Variants in PLXDC1 observed in about 807,000 individuals in gnomAD.
PLXDC1 encodes the protein plexin domain-containing protein 1.
In PLXDC1, 39 loss-of-function variants were observed where a neutral mutation model predicts 61.3. The ratio of observed to expected loss-of-function variants is 0.64; its 90% CI spans 0.49 to 0.83. PLXDC1 has a LOEUF of 0.83. PLXDC1 is among the 40% of genes least tolerant of loss of function. PLXDC1 has a pLI of 0.00. For missense variants in PLXDC1, 596 were observed against 666.5 expected, an observed-to-expected ratio of 0.89 and a Z score of 1.17; for synonymous variants, 212 against 254.5, an observed-to-expected ratio of 0.83 and a Z score of 1.59.
intron 2 of PLXDC1, among the ~76,000 whole-genome samples, chr17:39,128,400 A>C (rs1001058328): frequency 3.3e-5 from 5 of 151,036 alleles, no homozygotes; most frequent in Admixed American, 6.6e-5. Context: ...GTATTTTTTT[A>C]GTAGAGACGG....
Position 39,064,771 on chromosome 17 carries a change from G to C in PLXDC1, c.*3069C>G, listed in dbSNP as rs1908832280. ...GAAGAGCTGAGGGTGGAGTAGGGGG[G>C]TGCCGGTGGAAGGAGGGTCTGAATT... On this transcript the variant is annotated 3_prime_UTR_variant, in exon 14 of 14. Transcript: ENST00000315392. 1 of 152,322 alleles carries C rather than the reference G, an allele frequency of 6.6e-6. No individual in the cohort carries two copies. The highest frequency in any genetic ancestry group is 1.5e-5 in the Non-Finnish European group (1 of 68,150). The allele number at this position is 152,322 out of a possible 1,614,324, so 9.4% of individuals were successfully genotyped here.
In PLXDC1 at chr17:39,107,466, T is replaced by G. The variant is rs1230676055; in HGVS notation, c.652A>C (p.Ser218Arg). The change falls in exon 6 of 14, where the codon AGT (serine) becomes CGT (arginine). Residue 218 changes from serine (S) to arginine (R), a missense_variant. Transcript: ENST00000315392. ...VYLQGWEDKG[S>R]FTFQAALHHD... ...TGCAGAGCTGCCTGGAAGGTGAAAC[T>G]GCCCTTGTCTTCCCAGCCTTGGAGA... is the stretch of plus-strand genomic sequence containing the variant. 6.2e-7 allele frequency: 1 copy of G among 1,614,142 alleles called. No homozygotes were observed. Among genetic ancestry groups the G allele is most frequent in the Admixed American group, 1.7e-5 (1 of 60,022 alleles).
At chr17:39,136,216 G>C (rs1236575288) in intron 2 of PLXDC1, among the ~76,000 whole-genome samples, 3 of 152,148 alleles carry the variant, frequency 2.0e-5, no homozygotes, top group African/African-American at 7.2e-5. Flanking sequence ...TGGGAAGGGA[G>C]TGATGCCATG....
chr17:39,079,411 C>T (rs1338269927), intron 9 of PLXDC1: 1 of 563,600 alleles, frequency 1.8e-6, no homozygotes, highest in East Asian at 4.1e-5. Flanking sequence ...GGTGTAGGGG[C>T]TAGCAGGACT....
chr17:39,087,871 C>T (rs561291232), intron 7 of PLXDC1, among the ~76,000 whole-genome samples, 169 bp from the exon 8 acceptor site: 1 of 152,296 alleles, frequency 6.6e-6, no homozygotes, highest in Admixed American at 6.5e-5. Context: ...AGGTGCGGAC[C>T]TGGAGAGGAG....
chr17:39,075,792 G>C (rs1909304029), intron 11 of PLXDC1, among the ~76,000 whole-genome samples: 1 of 152,124 alleles, frequency 6.6e-6, no homozygotes, highest in Admixed American at 6.6e-5. Flanking sequence ...AAAGGCAGGG[G>C]ACACACCAGG....
intron 2 of PLXDC1, among the ~76,000 whole-genome samples, chr17:39,125,105 G>T (rs777151447): frequency 6.6e-6 from 1 of 152,202 alleles, no homozygotes; most frequent in South Asian, 2.1e-4. Flanking sequence ...GGCCTGAAGC[G>T]CAATTCCTTT....
chr17:39,134,442 A>G (rs1383479710), intron 2 of PLXDC1, among the ~76,000 whole-genome samples: 4 of 151,246 alleles, frequency 2.6e-5, no homozygotes, highest in African/African-American at 9.7e-5. Context: ...CCTGGGCAAC[A>G]CAGTGAAAGC....
intron 1 of PLXDC1, among the ~76,000 whole-genome samples, chr17:39,146,301 C>T (rs2045341947): frequency 6.6e-6 from 1 of 152,096 alleles, no homozygotes; most frequent in Non-Finnish European, 1.5e-5. Flanking sequence ...GAGCTCCTGA[C>T]CTCAAATGAT....
Position 39,087,603 on chromosome 17 carries a change from T to C in PLXDC1, c.907+4A>G. Reference sequence around the variant, plus strand: ...TCTGGGATGGCGGAATGACCCCTACTCACTCGGCAATGGGGTGAACTCCAC... The same window carrying C: ...TCTGGGATGGCGGAATGACCCCTACCCACTCGGCAATGGGGTGAACTCCAC... On this transcript the variant is annotated splice_donor_region_variant and intron_variant, in intron 8 of 13. Coordinates refer to ENST00000315392, the MANE Select transcript of PLXDC1 (RefSeq NM_020405.5). The C allele has an allele frequency of 6.2e-7, 1 of 1,609,276 alleles. No individual in the cohort carries two copies. Among genetic ancestry groups the C allele is most frequent in the Non-Finnish European group, 8.5e-7 (1 of 1,175,624 alleles).
intron 2 of PLXDC1, among the ~76,000 whole-genome samples, chr17:39,128,733 G>A (rs557187429): frequency 2.0e-5 from 3 of 152,108 alleles, no homozygotes; most frequent in South Asian, 2.1e-4. Flanking sequence ...GATACTCGCC[G>A]GGTGCAGTGG....
At chr17:39,125,928 A>T (rs1377157884) in intron 2 of PLXDC1, among the ~76,000 whole-genome samples, 1 of 152,136 alleles carries the variant, frequency 6.6e-6, no homozygotes, top group African/African-American at 2.4e-5. Context: ...TCTGCTTCGT[A>T]GCCTTTGGTA....
At chr17:39,075,328 A>G (rs528350593) in intron 11 of PLXDC1, among the ~76,000 whole-genome samples, 13 of 152,184 alleles carry the variant, frequency 8.5e-5, no homozygotes, top group African/African-American at 2.4e-5. Flanking sequence ...GCTCCTTGTT[A>G]TTCCAGAGCA....
chr17:39,134,364 G>A (rs1027131132), intron 2 of PLXDC1, among the ~76,000 whole-genome samples: 2 of 151,970 alleles, frequency 1.3e-5, no homozygotes, highest in South Asian at 2.1e-4. Context: ...GGTGGCTCAC[G>A]TCTGTAATCC....
chr17:39,149,940 TCA>T (rs1161285623), intron 1 of PLXDC1, among the ~76,000 whole-genome samples: 2 of 152,126 alleles, frequency 1.3e-5, no homozygotes, highest in African/African-American at 4.8e-5. Context: ...TTTTAAAGTA[TCA>T]GTTACCCATA....
chr17:39,122,378 C>CAAAA (rs71141762), intron 2 of PLXDC1, among the ~76,000 whole-genome samples: 6 of 36,516 alleles, frequency 1.6e-4, no homozygotes, highest in Non-Finnish European at 2.5e-4. Context: ...GACTCTGTCT[C>CAAAA]AAAAAAAAAA....
In PLXDC1 at chr17:39,088,397, C is replaced by G. The variant is rs75048231; in HGVS notation, c.812-695G>C. Among the ~76,000 whole-genome samples, 1,160 of 152,306 alleles carry G rather than the reference C, an allele frequency of 7.6e-3. 21 individuals are homozygous for G. The highest frequency in any genetic ancestry group is 0.027 in the African/African-American group (1,113 of 41,562). On this transcript the variant is annotated intron_variant, in intron 7 of 13. Transcript: ENST00000315392. Reference sequence around the variant, plus strand: ...TCACAGGACCTCAGAGTCAGGAGATCCAAGTTCGTTCTAGTTCTGCTCACG... The same window carrying G: ...TCACAGGACCTCAGAGTCAGGAGATGCAAGTTCGTTCTAGTTCTGCTCACG...
At chr17:39,113,047 TG>T (rs1398562130) in intron 2 of PLXDC1, 1 of 152,142 alleles carries the variant, frequency 6.6e-6, no homozygotes, top group African/African-American at 2.4e-5. Flanking sequence ...CGGATTAGGG[TG>T]GGCCCTAAAT....
chr17:39,090,939 C>T (rs1360060061), intron 7 of PLXDC1, among the ~76,000 whole-genome samples: 4 of 152,206 alleles, frequency 2.6e-5, no homozygotes, highest in Non-Finnish European at 5.9e-5. Context: ...TGATGGGTCC[C>T]CCAGTTCCCC....
Sources: gnomAD v4.1 joint callset for allele counts (sites outside exome capture counted in the v4.1 genomes callset) on GRCh38, gnomAD v4.1.1 for gene constraint, MANE v1.5 for transcripts, NCBI Gene and HGNC (gene_info 2026-07-23, HGNC 2026-07-21) for gene names.